Variants in PIKFYVE observed in about 807,000 individuals in gnomAD.
PIKFYVE encodes 1-phosphatidylinositol 3-phosphate 5-kinase.
PIKFYVE carries 122 observed loss-of-function variants against 257.9 expected under a neutral mutation model. That is an observed-to-expected ratio of 0.47 (90% CI 0.41 to 0.55). The LOEUF (loss-of-function observed/expected upper bound fraction) is 0.55. PIKFYVE is among the 20% of genes least tolerant of loss of function. The pLI is 0.00. For synonymous variants in PIKFYVE, 892 were observed against 868.9 expected, an observed-to-expected ratio of 1.03 and a Z score of -0.47; for missense variants, 2,160 against 2,536.6, an observed-to-expected ratio of 0.85 and a Z score of 3.19.
At chr2:208,317,523 T>C (rs955567321) in intron 15 of PIKFYVE, among the ~76,000 whole-genome samples, 22 of 152,276 alleles carry the variant, frequency 1.4e-4, no homozygotes, top group African/African-American at 5.3e-4. Context: ...AGTCAAAAGA[T>C]TGGACACCCC....
intron 24 of PIKFYVE, 25 bp from the exon 25 acceptor site, chr2:208,335,281 A>C (rs41308216): frequency 5.5e-6 from 8 of 1,454,742 alleles, no homozygotes; most frequent in Non-Finnish European, 7.7e-6. Context: ...TTCATTTTCT[A>C]TTGGTCCTTG....
intron 12 of PIKFYVE, among the ~76,000 whole-genome samples, chr2:208,307,251 G>T (rs1007351226): frequency 6.6e-6 from 1 of 152,160 alleles, no homozygotes; most frequent in Non-Finnish European, 1.5e-5. Flanking sequence ...TTAAAGTTTG[G>T]TAGAAAGAAA....
chr2:208,325,050 T>C lies in PIKFYVE; in HGVS notation c.2458+13T>C. On this transcript the variant is annotated intron_variant, in intron 19 of 41. Coordinates refer to ENST00000264380, the MANE Select transcript of PIKFYVE (RefSeq NM_015040.4). Reference sequence around the variant, plus strand: ...CAGTTGCCTAATGGTGAGTGATCTTTAGCATAGATTGACCTGAGGAAAAGA... The same window carrying C: ...CAGTTGCCTAATGGTGAGTGATCTTCAGCATAGATTGACCTGAGGAAAAGA... 1 of 1,614,080 alleles carries C rather than the reference T, an allele frequency of 6.2e-7. No homozygotes were observed. The highest frequency in any genetic ancestry group is 8.5e-7 in the Non-Finnish European group (1 of 1,179,938).
chr2:208,342,599 C>T lies in PIKFYVE; in HGVS notation c.4977C>T (p.Pro1659=), dbSNP rs1310783247. 6.2e-7 allele frequency: 1 copy of T among 1,613,958 alleles called. No individual in the cohort carries two copies. The highest frequency in any genetic ancestry group is 8.5e-7 in the Non-Finnish European group (1 of 1,179,942). The part of the protein sequence containing the change: ...HYLMYEHERV[P]IAVCEKEPSS... ...TAATGTATGAACATGAACGAGTGCCCATTGCAGTCTGCGAGAAGGAACCCA... is the reference window on the plus strand; with the variant it reads ...TAATGTATGAACATGAACGAGTGCCTATTGCAGTCTGCGAGAAGGAACCCA... Residue 1659 remains proline (P), a synonymous_variant, in exon 32 of 42, where the codon CCC becomes CCT. Coordinates refer to ENST00000264380, the MANE Select transcript of PIKFYVE (RefSeq NM_015040.4).
At chr2:208,295,812 A>G (rs886344635) in intron 7 of PIKFYVE, among the ~76,000 whole-genome samples, 2 of 152,236 alleles carry the variant, frequency 1.3e-5, no homozygotes, top group Non-Finnish European at 1.5e-5. Flanking sequence ...AACTGCATGA[A>G]TACCCTATAT....
chr2:208,338,042 G>A (rs962326015), intron 28 of PIKFYVE, among the ~76,000 whole-genome samples: 4 of 150,664 alleles, frequency 2.7e-5, no homozygotes, highest in Admixed American at 6.6e-5. Context: ...TTTTTTTTTC[G>A]ATTGCATATC....
intron 2 of PIKFYVE, 115 bp from the exon 3 acceptor site, chr2:208,273,469 T>A (rs1007059399): frequency 8.9e-5 from 103 of 1,154,072 alleles, no homozygotes; most frequent in African/African-American, 1.1e-4. Flanking sequence ...AAAAAAAAAA[T>A]TTTTAGTTAC....
Position 208,340,134 on chromosome 2 carries a change from A to G in PIKFYVE, c.4931+3A>G. 1 of 1,613,868 alleles carries G rather than the reference A, an allele frequency of 6.2e-7. No homozygotes were observed. The highest frequency in any genetic ancestry group is 8.5e-7 in the Non-Finnish European group (1 of 1,179,832). ...TATAATCCTATTCCATTTCCTTTGT[A>G]AGTATTATTAAAACCAGTGGCTCTT... On this transcript the variant is annotated splice_donor_region_variant and intron_variant, in intron 31 of 41. Transcript: ENST00000264380.
chr2:208,307,431 A>G (rs544302851), intron 12 of PIKFYVE, among the ~76,000 whole-genome samples: 1 of 152,350 alleles, frequency 6.6e-6, no homozygotes, highest in South Asian at 2.1e-4. Context: ...GGTTTTTTAA[A>G]TAAGTCTGTT....
At chr2:208,285,625 G>T (rs1053692300) in intron 5 of PIKFYVE, 101 bp from the exon 6 acceptor site, 4 of 925,872 alleles carry the variant, frequency 4.3e-6, no homozygotes, top group African/African-American at 1.6e-5. Context: ...GTTATTAGAT[G>T]AACTGTTGAC....
At position 208,342,659 on chromosome 2, in the gene PIKFYVE, A is replaced by G. The variant is rs1478516330; in HGVS notation, c.5027+10A>G. On this transcript the variant is annotated intron_variant, in intron 32 of 41. Coordinates refer to ENST00000264380, the MANE Select transcript of PIKFYVE (RefSeq NM_015040.4). Reference sequence around the variant, plus strand: ...TTGCTTTTGCTCTCAGGTATTATTCATGGGACTTTGACTTATGATGATATC... The same window carrying G: ...TTGCTTTTGCTCTCAGGTATTATTCGTGGGACTTTGACTTATGATGATATC... The G allele has an allele frequency of 6.3e-7, 1 of 1,588,600 alleles. No individual in the cohort carries two copies. Among genetic ancestry groups the G allele is most frequent in the Non-Finnish European group, 8.6e-7 (1 of 1,156,760 alleles).
At chr2:208,348,083 A>G (rs779629646) in intron 35 of PIKFYVE, 60 bp downstream of exon 35, 299 of 1,573,724 alleles carry the variant, frequency 1.9e-4, no homozygotes, top group Non-Finnish European at 2.5e-4. Context: ...TTTTAGTTGC[A>G]TATATTTCTT....
At chr2:208,276,536 CT>C (rs1195696846) in intron 3 of PIKFYVE, among the ~76,000 whole-genome samples, 175 bp from the exon 4 acceptor site, 1 of 152,172 alleles carries the variant, frequency 6.6e-6, no homozygotes, top group Non-Finnish European at 1.5e-5. Flanking sequence ...AGAAGAAATA[CT>C]TTCAGTAGCC....
chr2:208,315,247 C>G lies in PIKFYVE; in HGVS notation c.1881C>G (p.Asp627Glu). The G allele has an allele frequency of 1.2e-6, 2 of 1,614,120 alleles. No homozygotes were observed. The highest frequency in any genetic ancestry group is 1.7e-6 in the Non-Finnish European group (2 of 1,179,974). Residue 627 changes from aspartate to glutamate, a missense_variant, in exon 15 of 42, where the codon GAC becomes GAG. By Grantham distance (45) the Asp-to-Glu change is conservative (BLOSUM62 2). Transcript: ENST00000264380. ...TACTCCAGCAGTTGCTCCATAGTGACTCACTGTCATCATCTTGGAGGGACA... is the reference window on the plus strand; with the variant it reads ...TACTCCAGCAGTTGCTCCATAGTGAGTCACTGTCATCATCTTGGAGGGACA... ...MALLQQLLHS[D>E]SLSSSWRDII...
intron 5 of PIKFYVE, among the ~76,000 whole-genome samples, chr2:208,284,335 A>G (rs1262094952): frequency 6.9e-6 from 1 of 145,404 alleles, no homozygotes; most frequent in Non-Finnish European, 1.5e-5. Flanking sequence ...GTCTTGGCTC[A>G]CTGCAACCTC....
chr2:208,271,691 G>C lies in PIKFYVE; in HGVS notation c.172G>C (p.Glu58Gln). The C allele has an allele frequency of 6.2e-7, 1 of 1,611,214 alleles. No homozygotes were observed. Among genetic ancestry groups the C allele is most frequent in the East Asian group, 2.2e-5 (1 of 44,856 alleles). Residue 58 changes from glutamate (E) to glutamine (Q), a missense_variant and splice_region_variant, in exon 2 of 42, where the codon GAG (glutamate) becomes CAG (glutamine). By Grantham distance (29) the Glu-to-Gln change is conservative. Around this residue, in one of 12 missense-constraint regions of PIKFYVE, gnomAD observed 172 missense variants for 180.6 expected, o/e 0.95. Transcript: ENST00000264380. ...TGTAAATCTCTTTCGTTTTAACAAA[G>C]GTAAGACTTATTAAAGATAAGAGGT... ...SFVNLFRFNK[E>Q]RAEGGQGEQQ...
At chr2:208,332,757 A>G (rs974076222) in intron 23 of PIKFYVE, among the ~76,000 whole-genome samples, 8 of 151,744 alleles carry the variant, frequency 5.3e-5, no homozygotes, top group East Asian at 1.9e-4. Context: ...ATATATGTAT[A>G]TGTGTGTGTG....
chr2:208,311,334 A>C (rs1281903781), intron 12 of PIKFYVE, among the ~76,000 whole-genome samples: 2 of 152,196 alleles, frequency 1.3e-5, no homozygotes, highest in Non-Finnish European at 2.9e-5. Flanking sequence ...AGTGCACTTG[A>C]ACTTTCTAAA....
intron 12 of PIKFYVE, among the ~76,000 whole-genome samples, chr2:208,307,572 ATT>A (rs56834216): frequency 0.013 from 1,880 of 144,972 alleles, 24 homozygotes; most frequent in African/African-American, 0.031. Context: ...TGATAGATAC[ATT>A]TTTTTTTTTT....
Sources: allele counts gnomAD v4.1 joint callset (sites outside exome capture counted in the v4.1 genomes callset), GRCh38; gene constraint gnomAD v4.1.1; regional missense constraint gnomAD v4.1.1; transcripts MANE v1.5; gene names NCBI Gene and HGNC (gene_info 2026-07-23, HGNC 2026-07-21).